Variants in ILDR2 observed in about 807,000 individuals in gnomAD.
The protein encoded by ILDR2 is immunoglobulin like domain containing receptor 2.
Under a neutral mutation model 66.8 loss-of-function variants are expected in ILDR2, and 25 were observed. The observed-to-expected ratio is 0.37, with a 90% CI of 0.27 to 0.52. The LOEUF (loss-of-function observed/expected upper bound fraction) is 0.52. Among genes scored for constraint, ILDR2 ranks in the 20% least tolerant of loss-of-function variants. ILDR2 has a pLI of 0.88. For missense variants in ILDR2, 827 were observed against 876.8 expected (o/e 0.94, Z 0.72); for synonymous variants, 367 against 357.2 (o/e 1.03, Z -0.31).
rs1659665856 is a variant in ILDR2 at position 166,916,935 on chromosome 1, T to G, written c.*2420A>C. On this transcript the variant is annotated 3_prime_UTR_variant, in exon 10 of 10. Coordinates refer to ENST00000271417, the MANE Select transcript of ILDR2 (RefSeq NM_199351.3). Reference sequence around the variant, plus strand: ...CTCTGCAGCTGGTGCTATGAGGCTCTTTGGTGGTGAAAAGCCTGACACAGT... The same window carrying G: ...CTCTGCAGCTGGTGCTATGAGGCTCGTTGGTGGTGAAAAGCCTGACACAGT... The G allele has an allele frequency of 6.6e-6, 1 of 152,240 alleles. No homozygotes were observed. The highest frequency in any genetic ancestry group is 2.1e-4 in the South Asian group (1 of 4,830). 9.4% of individuals were successfully genotyped at this position (152,240 alleles called of 1,614,324 possible).
chr1:166,975,295 G>C lies in ILDR2; in HGVS notation c.-27C>G. The C allele has an allele frequency of 6.2e-7, 1 of 1,609,466 alleles. No homozygotes were observed. The highest frequency in any genetic ancestry group is 8.5e-7 in the Non-Finnish European group (1 of 1,176,310). On this transcript the variant is annotated 5_prime_UTR_variant, in exon 1 of 10. Coordinates refer to ENST00000271417, the MANE Select transcript of ILDR2 (RefSeq NM_199351.3). ...TTCCCCAACTTCCCAGCCGAATTAC[G>C]GAGTGAGGAAAGTGGGAAATGGCTG...
chr1:166,950,272 T>G (rs1661894318), intron 3 of ILDR2, among the ~76,000 whole-genome samples: 1 of 152,184 alleles, frequency 6.6e-6, no homozygotes, highest in Non-Finnish European at 1.5e-5. Flanking sequence ...CAGCAGCCAC[T>G]CTCAGAGATC....
At chr1:166,958,155 T>A (rs1662393719) in intron 1 of ILDR2, 54 bp from the exon 2 acceptor site, 2 of 1,427,952 alleles carry the variant, frequency 1.4e-6, no homozygotes, top group Non-Finnish European at 1.9e-6. Flanking sequence ...GACCTCACCT[T>A]CCATCACATG....
chr1:166,920,278 C>T (rs868261932), intron 9 of ILDR2, among the ~76,000 whole-genome samples: 2 of 152,090 alleles, frequency 1.3e-5, no homozygotes, highest in African/African-American at 2.4e-5. Flanking sequence ...TACAAACCCT[C>T]GCCCCAAGCA....
intron 2 of ILDR2, among the ~76,000 whole-genome samples, chr1:166,896,597 G>C (rs1210031368): frequency 6.9e-6 from 1 of 145,034 alleles, no homozygotes; most frequent in Non-Finnish European, 1.5e-5. Flanking sequence ...AGAAATTTTG[G>C]ATCAAATAAA....
At chr1:166,967,859 T>C (rs564331591) in intron 1 of ILDR2, among the ~76,000 whole-genome samples, 1 of 152,154 alleles carries the variant, frequency 6.6e-6, no homozygotes, top group South Asian at 2.1e-4. Context: ...ACTTTGACAC[T>C]CTCTCCCCTT....
At chr1:166,967,085 C>A (rs576375171) in intron 1 of ILDR2, among the ~76,000 whole-genome samples, 1 of 152,192 alleles carries the variant, frequency 6.6e-6, no homozygotes, top group South Asian at 2.1e-4. Flanking sequence ...TATATATTTC[C>A]TAGCCTCTCT....
At chr1:166,960,168 T>TG (rs1473922084) in intron 1 of ILDR2, among the ~76,000 whole-genome samples, 1 of 152,226 alleles carries the variant, frequency 6.6e-6, no homozygotes, top group Non-Finnish European at 1.5e-5. Flanking sequence ...TAATTCCTGT[T>TG]GGGGAAAAGG....
rs1659751866 is a variant in ILDR2, at chr1:166,919,102, A to G, written c.*253T>C. On this transcript the variant is annotated 3_prime_UTR_variant, in exon 10 of 10. Transcript: ENST00000271417. ...CTGGGCAGGATAAACGCTATAGTTG[A>G]GAAACTCTGTATGTAGGAATGTTCT... 1.9e-6 allele frequency: 1 copy of G among 516,234 alleles called. No individual in the cohort carries two copies. Among genetic ancestry groups the G allele is most frequent in the East Asian group, 3.0e-5 (1 of 33,894 alleles). The allele number at this position is 516,234 out of a possible 1,614,324, so 32.0% of individuals were successfully genotyped here. A position where few individuals can be genotyped will look rare whatever the true frequency, so the allele number is the denominator to read the frequency against.
Position 166,958,022 on chromosome 1 carries a change from G to A in ILDR2, c.126C>T (p.Cys42=), listed in dbSNP as rs1662382272. The change falls in exon 2 of 10, where the codon TGC becomes TGT. Residue 42 remains cysteine (C), a synonymous_variant. Coordinates refer to ENST00000271417, the MANE Select transcript of ILDR2 (RefSeq NM_199351.3). ...AMLFQPTVLR[C]HFSTSSHQPA... The stretch of plus-strand genomic sequence containing the variant: ...GCTGATGGGAGGATGTTGAGAAGTG[G>A]CAGCGAAGCACAGTGGGCTGGAAGA... 1.2e-6 allele frequency: 2 copies of A among 1,614,170 alleles called. No homozygotes were observed. Among genetic ancestry groups the A allele is most frequent in the Non-Finnish European group, 1.7e-6 (2 of 1,180,022 alleles).
chr1:166,904,565 G>T (rs72705594), downstream of ILDR2, among the ~76,000 whole-genome samples: 1,224 of 152,338 alleles, frequency 8.0e-3, 9 homozygotes, highest in Admixed American at 0.012. Flanking sequence ...CTGGATGCTA[G>T]CTCCAATTCC....
chr1:166,910,461 A>G lies in ILDR2; in HGVS notation c.*8894T>C, dbSNP rs1257560634. On this transcript the variant is annotated 3_prime_UTR_variant, in exon 10 of 10. Transcript: ENST00000271417. ...TTCATATATAGCATTAAAATAAGCTATATAAATTCATATGTAGCTTTTCCC... is the reference window on the plus strand; with the variant it reads ...TTCATATATAGCATTAAAATAAGCTGTATAAATTCATATGTAGCTTTTCCC... The G allele has an allele frequency of 1.3e-5, 2 of 152,240 alleles. No homozygotes were observed. The highest frequency in any genetic ancestry group is 2.9e-5 in the Non-Finnish European group (2 of 68,038). The allele number at this position is 152,240 out of a possible 1,614,324, so 9.4% of individuals were successfully genotyped here. A position where few individuals can be genotyped will look rare whatever the true frequency, so the allele number is the denominator to read the frequency against.
chr1:166,920,960 C>T lies in ILDR2; in HGVS notation c.1631G>A (p.Arg544His), dbSNP rs1276575767. The change falls in exon 9 of 10, where the codon CGC becomes CAC. Residue 544 changes from arginine to histidine, a missense_variant. Arg to His is a conservative substitution (Grantham distance 29, BLOSUM62 0). This residue lies in a region of ILDR2 where 390 missense variants were observed against 353.6 expected (regional missense o/e 1.10). Transcript: ENST00000271417. ...ERQARPEGASRGGSLETPSKR... is the reference protein window; with the variant it reads ...ERQARPEGASHGGSLETPSKR... ...GGATGGCGTCTCCAGGCTGCCACCG[C>T]GGCTGGCGCCCTCGGGCCGCGCCTG... 2.7e-6 allele frequency: 4 copies of T among 1,483,940 alleles called. No individual in the cohort carries two copies. The highest frequency in any genetic ancestry group is 1.3e-5 in the South Asian group (1 of 77,090). The allele number at this position is 1,483,940 out of a possible 1,614,324, so 91.9% of individuals were successfully genotyped here. A position where few individuals can be genotyped will look rare whatever the true frequency, so the allele number is the denominator to read the frequency against.
At position 166,920,902 on chromosome 1, in the gene ILDR2, G is replaced by A. The variant is rs748366899; in HGVS notation, c.1689C>T (p.Ala563=). 14 of 1,478,080 alleles carry A rather than the reference G, an allele frequency of 9.5e-6. No individual in the cohort carries two copies. The South Asian group carries it at 1.0e-4, about 11-fold the overall frequency. The allele number at this position is 1,478,080 out of a possible 1,614,324, so 91.6% of individuals were successfully genotyped here. ...KRSAQLGPRS[A]SYYAWSPPGT... ...CGGGCGGCGACCAAGCGTAGTAGGAGGCGCTGCGCGGGCCGAGCTGCGCGC... is the reference window on the plus strand; with the variant it reads ...CGGGCGGCGACCAAGCGTAGTAGGAAGCGCTGCGCGGGCCGAGCTGCGCGC... Residue 563 remains alanine, a synonymous_variant, in exon 9 of 10, where the codon GCC becomes GCT. Transcript: ENST00000271417.
intron 2 of ILDR2, among the ~76,000 whole-genome samples, chr1:166,898,946 A>G (rs1371358399): frequency 6.6e-6 from 1 of 151,586 alleles, no homozygotes; most frequent in Non-Finnish European, 1.5e-5. Context: ...TGTAGTCCCA[A>G]CAACTTTGGA....
chr1:166,939,646 T>C, intron 3 of ILDR2, 76 bp from the exon 4 acceptor site: 1 of 1,299,222 alleles, frequency 7.7e-7, no homozygotes, highest in South Asian at 1.2e-5. Flanking sequence ...CTGGCTCCAG[T>C]TGGTACCATC....
At position 166,917,826 on chromosome 1, in the gene ILDR2, CAGAT is replaced by C. The variant is rs1370166901; in HGVS notation, c.*1525_*1528del. 6.6e-6 allele frequency: 1 copy of C among 152,190 alleles called. No homozygotes were observed. The highest frequency in any genetic ancestry group is 1.5e-5 in the Non-Finnish European group (1 of 68,062). 9.4% of individuals were successfully genotyped at this position (152,190 alleles called of 1,614,324 possible). On this transcript the variant is annotated 3_prime_UTR_variant, in exon 10 of 10. Transcript: ENST00000271417. ...CATCAGCTGGAAGTTGACGGGCTGTCAGATAGGGTGACAAGGGTAACTGGGCCCT... is the reference window on the plus strand; with the variant it reads ...CATCAGCTGGAAGTTGACGGGCTGTCAGGGTGACAAGGGTAACTGGGCCCT...
chr1:166,918,207 C>T lies in ILDR2; in HGVS notation c.*1148G>A, dbSNP rs1659715065. ...TTCCTGAGAAAGCAGTATCTCTAAT[C>T]TCTTGAAAGCAGCCATAGTGGCAGT... On this transcript the variant is annotated 3_prime_UTR_variant, in exon 10 of 10. Coordinates refer to ENST00000271417, the MANE Select transcript of ILDR2 (RefSeq NM_199351.3). 1 of 152,170 alleles carries T rather than the reference C, an allele frequency of 6.6e-6. No homozygotes were observed. The highest frequency in any genetic ancestry group is 1.5e-5 in the Non-Finnish European group (1 of 68,034). 9.4% of individuals were successfully genotyped at this position (152,170 alleles called of 1,614,324 possible).
intron 3 of ILDR2, among the ~76,000 whole-genome samples, chr1:166,939,904 T>C (rs1417319882): frequency 6.6e-6 from 1 of 152,230 alleles, no homozygotes; most frequent in African/African-American, 2.4e-5. Flanking sequence ...ATACACTTCA[T>C]TGGAAAGTCA....
Sources: allele counts gnomAD v4.1 joint callset (sites outside exome capture counted in the v4.1 genomes callset), GRCh38; gene constraint gnomAD v4.1.1; regional missense constraint gnomAD v4.1.1; transcripts MANE v1.5; gene names NCBI Gene and HGNC (gene_info 2026-07-23, HGNC 2026-07-21).